The following PDE10A variants were observed in gnomAD, a reference collection of about 807,000 sequenced individuals.
The protein encoded by PDE10A is phosphodiesterase 10A.
A neutral mutation model predicts 97.7 loss-of-function variants in PDE10A; 39 were observed. That is an observed-to-expected ratio of 0.40 (90% confidence interval 0.31 to 0.52). The LOEUF is 0.52. Among genes scored for constraint, PDE10A ranks in the 20% least tolerant of loss-of-function variants. The pLI, the probability that PDE10A is intolerant of heterozygous loss-of-function variation, is 0.56. For missense variants in PDE10A, 731 were observed against 1,047.8 expected (o/e 0.70, Z 4.17); for synonymous variants, 371 against 376.8 (o/e 0.98, Z 0.18).
At chr6:165,955,721 A>G (rs1784115847) in intron 1 of PDE10A, among the ~76,000 whole-genome samples, 1 of 152,258 alleles carries the variant, frequency 6.6e-6, no homozygotes, top group Non-Finnish European at 1.5e-5. Flanking sequence ...ACAACTATGC[A>G]AGACCAGAGA....
intron 1 of PDE10A, among the ~76,000 whole-genome samples, chr6:165,758,259 C>A (rs138321962): frequency 0.017 from 2,561 of 152,156 alleles, 30 homozygotes; most frequent in Non-Finnish European, 0.027. Context: ...TCAGGAGTTA[C>A]AGACCAGCCT....
chr6:165,620,309 G>C (rs771712167), intron 1 of PDE10A, among the ~76,000 whole-genome samples: 11 of 152,082 alleles, frequency 7.2e-5, no homozygotes, highest in Non-Finnish European at 1.6e-4. Context: ...TATCTGCACT[G>C]TGCATGAGAA....
At chr6:165,474,947 C>T (rs1429338707) in intron 3 of PDE10A, among the ~76,000 whole-genome samples, 3 of 152,104 alleles carry the variant, frequency 2.0e-5, no homozygotes, top group African/African-American at 7.2e-5. Context: ...TGGGCTACTG[C>T]TTTTTCGAGC....
chr6:165,484,362 C>A (rs981632009), intron 2 of PDE10A, among the ~76,000 whole-genome samples: 1 of 152,206 alleles, frequency 6.6e-6, no homozygotes, highest in Admixed American at 6.5e-5. Flanking sequence ...GGCAAGCGGG[C>A]GAAGCTTCAT....
At chr6:165,659,617 T>C (rs1380694543) in intron 1 of PDE10A, among the ~76,000 whole-genome samples, 1 of 152,230 alleles carries the variant, frequency 6.6e-6, no homozygotes, top group Non-Finnish European at 1.5e-5. Flanking sequence ...ATGTCCCAAA[T>C]AAGACTGTTC....
chr6:165,650,713 G>A (rs985578922), intron 1 of PDE10A, among the ~76,000 whole-genome samples: 6 of 151,780 alleles, frequency 4.0e-5, no homozygotes, highest in African/African-American at 1.5e-4. Context: ...GAGTATGTCT[G>A]AGTAATAAAT....
chr6:165,564,445 A>T (rs928451301), intron 1 of PDE10A, among the ~76,000 whole-genome samples: 7 of 152,160 alleles, frequency 4.6e-5, no homozygotes, highest in Non-Finnish European at 1.0e-4. Flanking sequence ...TCTTCTTAAT[A>T]CAGAGATTAC....
At chr6:165,822,928 A>G (rs755528303) in intron 1 of PDE10A, among the ~76,000 whole-genome samples, 2 of 151,926 alleles carry the variant, frequency 1.3e-5, no homozygotes, top group African/African-American at 4.8e-5. Flanking sequence ...TCCTCCTCCC[A>G]GGTTCACGCC....
chr6:165,699,646 C>A (rs1353881717), intron 1 of PDE10A, among the ~76,000 whole-genome samples: 1 of 152,048 alleles, frequency 6.6e-6, no homozygotes, highest in East Asian at 1.9e-4. Flanking sequence ...ATATTTTCTC[C>A]AGCAACAATG....
intron 2 of PDE10A, among the ~76,000 whole-genome samples, chr6:165,504,366 T>C (rs1781072122): frequency 6.6e-6 from 1 of 152,232 alleles, no homozygotes; most frequent in Non-Finnish European, 1.5e-5. Context: ...GCATTAAATA[T>C]CCAGAATTGT....
At chr6:165,593,117 C>T (rs969273301) in intron 1 of PDE10A, among the ~76,000 whole-genome samples, 4 of 152,100 alleles carry the variant, frequency 2.6e-5, no homozygotes, top group Non-Finnish European at 5.9e-5. Context: ...TACTATGCAG[C>T]CATAAAAAAG....
intron 2 of PDE10A, among the ~76,000 whole-genome samples, chr6:165,487,258 T>C (rs796750379): frequency 1.3e-5 from 2 of 152,272 alleles, no homozygotes; most frequent in Admixed American, 6.5e-5. Flanking sequence ...CAACAACCTG[T>C]CTTTGTGAAG....
At chr6:165,558,744 G>T (rs2128335987) in intron 1 of PDE10A, among the ~76,000 whole-genome samples, 1 of 152,168 alleles carries the variant, frequency 6.6e-6, no homozygotes, top group African/African-American at 2.4e-5. Context: ...GTTTTAGGAT[G>T]AATAAGGGAA....
chr6:165,871,914 G>T (rs1781214207), intron 1 of PDE10A, among the ~76,000 whole-genome samples: 1 of 152,212 alleles, frequency 6.6e-6, no homozygotes. Context: ...GGAAATCAAG[G>T]TATTTTCAAG....
intron 1 of PDE10A, among the ~76,000 whole-genome samples, chr6:165,722,617 A>G (rs942627015): frequency 2.0e-5 from 3 of 152,170 alleles, no homozygotes; most frequent in Non-Finnish European, 2.9e-5. Flanking sequence ...ATCTCTCTCA[A>G]AATTCCTTAA....
intron 18 of PDE10A, among the ~76,000 whole-genome samples, chr6:165,368,523 C>T (rs1445908167): frequency 6.6e-6 from 1 of 152,040 alleles, no homozygotes; most frequent in African/African-American, 2.4e-5. Flanking sequence ...AACTCAGGAA[C>T]AACCACTTGA....
At position 165,711,893 on chromosome 6, in the gene PDE10A, GT is replaced by G. The variant is rs1213740766; in HGVS notation, c.-614-168326del. On this transcript the variant is annotated intron_variant, in intron 1 of 19. Coordinates refer to the PDE10A transcript ENST00000366882. The surrounding 1 kb of genome is among the most constrained non-coding windows in gnomAD (Gnocchi z 4.5). ...GTTGGTTTTATTCTGCATCCTAGGG[GT>G]GATTGGTGACTGGGGCAACCTGATC... 2.0e-5 allele frequency among the ~76,000 whole-genome samples: 3 copies of G among 152,170 alleles called. No homozygotes were observed. Among genetic ancestry groups the G allele is most frequent in the African/African-American group, 7.2e-5 (3 of 41,434 alleles).
intron 1 of PDE10A, among the ~76,000 whole-genome samples, chr6:165,959,801 C>T (rs552227757): frequency 6.6e-6 from 1 of 152,192 alleles, no homozygotes; most frequent in South Asian, 2.1e-4. Context: ...GAGATCTCGC[C>T]TGGGGAGGGG....
At chr6:165,513,899 A>C (rs1781649145) in intron 2 of PDE10A, among the ~76,000 whole-genome samples, 1 of 152,040 alleles carries the variant, frequency 6.6e-6, no homozygotes, top group African/African-American at 2.4e-5. Flanking sequence ...TTTTTTGTGA[A>C]GTGTTTTGAA....
Sources: allele counts gnomAD v4.1 joint callset (sites outside exome capture counted in the v4.1 genomes callset), GRCh38; gene constraint gnomAD v4.1.1; non-coding constraint Gnocchi (gnomAD v3.1); transcripts MANE v1.5; gene names NCBI Gene and HGNC (gene_info 2026-07-23, HGNC 2026-07-21).